SCAI: variants seen among roughly 807,000 people sequenced by gnomAD.
The protein encoded by SCAI is suppressor of cancer cell invasion.
SCAI carries 24 observed loss-of-function variants against 92.2 expected under a neutral mutation model. The ratio of observed to expected loss-of-function variants is 0.26; its 90% CI spans 0.19 to 0.37. SCAI has a LOEUF of 0.37. Ranked by LOEUF, SCAI falls within the 10% of genes least tolerant of loss-of-function variation. The probability of loss-of-function intolerance (pLI) is 1.00; values close to 1 mark genes in which losing one functional copy is unlikely to be tolerated. For missense variants in SCAI, 450 were observed against 736.2 expected (o/e 0.61, Z 4.50); for synonymous variants, 261 against 258.6 (o/e 1.01, Z -0.09).
chr9:125,111,957 A>G (rs1834937898), intron 2 of SCAI, among the ~76,000 whole-genome samples: 1 of 152,326 alleles, frequency 6.6e-6, no homozygotes, highest in Non-Finnish European at 1.5e-5. Flanking sequence ...GTTTCTCTCA[A>G]GTATTCCGCC....
chr9:125,007,386 A>G (rs914208709), intron 9 of SCAI, among the ~76,000 whole-genome samples: 7 of 152,168 alleles, frequency 4.6e-5, no homozygotes, highest in African/African-American at 1.7e-4. Flanking sequence ...AGAGAATTAA[A>G]ATCTACTAAA....
chr9:125,004,144 C>A (rs189442296), intron 9 of SCAI, among the ~76,000 whole-genome samples: 1 of 152,118 alleles, frequency 6.6e-6, no homozygotes, highest in Non-Finnish European at 1.5e-5. Flanking sequence ...CCATCGTATT[C>A]CAGCCTGGGT....
intron 2 of SCAI, among the ~76,000 whole-genome samples, chr9:125,063,168 G>C (rs1382394105): frequency 6.6e-6 from 1 of 151,308 alleles, no homozygotes; most frequent in Non-Finnish European, 1.5e-5. Context: ...CCAGCACTTT[G>C]GGAGGCTGAG....
Position 124,974,290 on chromosome 9 carries a change from A to T in SCAI, c.1399+1824T>A, listed in dbSNP as rs1299900390. On this transcript the variant is annotated intron_variant, in intron 15 of 17. Transcript: ENST00000336505. ...GAGACCCAGTCCCTACAAAAAAAAAATACAAAAATTAGCTGGGTGTGGTAG... is the reference window on the plus strand; with the variant it reads ...GAGACCCAGTCCCTACAAAAAAAAATTACAAAAATTAGCTGGGTGTGGTAG... 4 of 441,434 alleles carry T rather than the reference A, an allele frequency of 9.1e-6. No individual in the cohort carries two copies. The Admixed American group carries it at 1.0e-4, about 11-fold the overall frequency. 27.3% of individuals were successfully genotyped at this position (441,434 alleles called of 1,614,324 possible). A position where few individuals can be genotyped will look rare whatever the true frequency, so the allele number is the denominator to read the frequency against.
At chr9:124,972,084 T>C (rs1457265439) in intron 15 of SCAI, among the ~76,000 whole-genome samples, 1 of 152,218 alleles carries the variant, frequency 6.6e-6, no homozygotes, top group East Asian at 1.9e-4. Flanking sequence ...TTTCTTACTA[T>C]TTTTTGCTCT....
chr9:125,116,441 A>C (rs2131241378), intron 2 of SCAI, among the ~76,000 whole-genome samples: 1 of 152,272 alleles, frequency 6.6e-6, no homozygotes, highest in South Asian at 2.1e-4. Flanking sequence ...TATACACACA[A>C]ACTTTTTTAT....
intron 2 of SCAI, among the ~76,000 whole-genome samples, chr9:125,065,045 G>A (rs1317589503): frequency 6.6e-6 from 1 of 151,994 alleles, no homozygotes; most frequent in Non-Finnish European, 1.5e-5. Context: ...TTTAAAAAGA[G>A]GTTAGGAAAT....
chr9:124,977,865 T>A (rs1380665324), intron 14 of SCAI, among the ~76,000 whole-genome samples: 2 of 152,168 alleles, frequency 1.3e-5, no homozygotes, highest in African/African-American at 4.8e-5. Flanking sequence ...AATAGCCATC[T>A]AAAAGAAAGT....
At chr9:124,955,441 G>A (rs1306549110) in intron 17 of SCAI, among the ~76,000 whole-genome samples, 1 of 151,714 alleles carries the variant, frequency 6.6e-6, no homozygotes, top group African/African-American at 2.4e-5. Flanking sequence ...GGCCTTATTC[G>A]TTTTTTAGTT....
intron 2 of SCAI, among the ~76,000 whole-genome samples, chr9:125,069,034 G>A (rs1215753756): frequency 6.6e-6 from 1 of 151,852 alleles, no homozygotes; most frequent in African/African-American, 2.4e-5. Context: ...TGGTCAACAT[G>A]GTGAAACTCC....
intron 2 of SCAI, among the ~76,000 whole-genome samples, chr9:125,082,347 C>T (rs1015403102): frequency 1.3e-5 from 2 of 152,178 alleles, no homozygotes; most frequent in Admixed American, 6.5e-5. Flanking sequence ...TGTATGGAAA[C>T]GCCTGGATGC....
chr9:125,024,023 T>C (rs1333853984), intron 6 of SCAI, among the ~76,000 whole-genome samples: 2 of 152,004 alleles, frequency 1.3e-5, no homozygotes, highest in Non-Finnish European at 2.9e-5. Context: ...GCCTTCAATT[T>C]TACATTCATA....
chr9:125,023,411 C>T (rs1832907309), intron 6 of SCAI, among the ~76,000 whole-genome samples: 1 of 152,016 alleles, frequency 6.6e-6, no homozygotes, highest in Admixed American at 6.6e-5. Flanking sequence ...GGTTATCTAG[C>T]CTATCATATT....
intron 2 of SCAI, among the ~76,000 whole-genome samples, chr9:125,106,123 ATATATATATATATATAT>A (rs1411902231): frequency 1.1e-4 from 1 of 9,296 alleles, no homozygotes; most frequent in African/African-American, 2.6e-4. Context: ...AAAAAAAAAA[ATATATATATATATATAT>A]ATATATATAT....
chr9:125,119,475 A>C (rs917948249), intron 2 of SCAI, among the ~76,000 whole-genome samples: 1 of 152,234 alleles, frequency 6.6e-6, no homozygotes, highest in Non-Finnish European at 1.5e-5. Flanking sequence ...GTAAAATGAA[A>C]GACAGTGAAA....
At chr9:125,079,701 G>T (rs1308158921) in intron 2 of SCAI, among the ~76,000 whole-genome samples, 6 of 151,880 alleles carry the variant, frequency 4.0e-5, no homozygotes, top group Admixed American at 3.9e-4. Context: ...TTACAAGATG[G>T]TGCTTAAGAA....
rs761064940 is a variant in SCAI at position 125,003,481 on chromosome 9, T to A, written c.951A>T (p.Lys317Asn). 6.2e-7 allele frequency: 1 copy of A among 1,609,376 alleles called. No individual in the cohort carries two copies. The highest frequency in any genetic ancestry group is 1.1e-5 in the South Asian group (1 of 90,940). ...AAGAGGAGATTACCTGCATTCCTGGTTTATTCATCTGGGAAGCTAAATTCA... is the reference window on the plus strand; with the variant it reads ...AAGAGGAGATTACCTGCATTCCTGGATTATTCATCTGGGAAGCTAAATTCA... ...EPMNLASQMNKPGMQESADKP... is the reference protein window; with the variant it reads ...EPMNLASQMNNPGMQESADKP... The change falls in exon 10 of 18, where the codon AAA becomes AAT. Residue 317 changes from lysine to asparagine, a missense_variant. Physicochemically the swap from Lys to Asn is moderately conservative, Grantham distance 94 (BLOSUM62 0). Transcript: ENST00000336505.
chr9:125,102,847 C>T (rs536330832), intron 2 of SCAI, among the ~76,000 whole-genome samples: 4 of 152,170 alleles, frequency 2.6e-5, no homozygotes, highest in African/African-American at 4.8e-5. Flanking sequence ...ATCCACCCAC[C>T]CCGGCCTCCC....
At chr9:125,078,009 C>T (rs148155711) in intron 2 of SCAI, among the ~76,000 whole-genome samples, 160 of 152,232 alleles carry the variant, frequency 1.1e-3, no homozygotes, top group African/African-American at 2.0e-3. Flanking sequence ...CGTAAGCCAC[C>T]GTACCCAGCC....
Sources: gnomAD v4.1 joint callset for allele counts (sites outside exome capture counted in the v4.1 genomes callset) on GRCh38, gnomAD v4.1.1 for gene constraint, MANE v1.5 for transcripts, NCBI Gene and HGNC (gene_info 2026-07-23, HGNC 2026-07-21) for gene names.